Variants in PIK3AP1 observed in about 807,000 individuals in gnomAD.
PIK3AP1 encodes phosphoinositide 3-kinase adapter protein 1.
In PIK3AP1, 21 loss-of-function variants were observed where a neutral mutation model predicts 88.1. The ratio of observed to expected loss-of-function variants is 0.24; its 90% CI spans 0.17 to 0.34. The LOEUF (loss-of-function observed/expected upper bound fraction) is 0.34. Ranked by LOEUF, PIK3AP1 falls within the 10% of genes least tolerant of loss-of-function variation. PIK3AP1 has a pLI of 1.00. For missense variants in PIK3AP1, 828 were observed against 1,035.7 expected (o/e 0.80, Z 2.75); for synonymous variants, 398 against 400.0 (o/e 1.00, Z 0.06).
At chr10:96,607,836 G>T (rs12247652) in intron 14 of PIK3AP1, among the ~76,000 whole-genome samples, 3,534 of 152,180 alleles carry the variant, frequency 0.023, 136 homozygotes, top group African/African-American at 0.08. Flanking sequence ...ATGAACCACC[G>T]TCCCCCACTG....
intron 15 of PIK3AP1, among the ~76,000 whole-genome samples, chr10:96,602,903 C>CA: frequency 6.6e-6 from 1 of 152,316 alleles, no homozygotes; most frequent in South Asian, 2.1e-4. Context: ...AAGCAGAAGG[C>CA]AGAGGTGTGA....
At chr10:96,684,232 T>C (rs1052914416) in intron 2 of PIK3AP1, among the ~76,000 whole-genome samples, 6 of 152,216 alleles carry the variant, frequency 3.9e-5, no homozygotes, top group Non-Finnish European at 5.9e-5. Context: ...AGTTAGGCAA[T>C]GTGAGCAAGG....
intron 16 of PIK3AP1, among the ~76,000 whole-genome samples, chr10:96,598,596 G>A (rs1480052401): frequency 1.3e-5 from 2 of 151,236 alleles, no homozygotes; most frequent in Non-Finnish European, 3.0e-5. Flanking sequence ...TCACAGGTTC[G>A]CCATTCATTG....
intron 2 of PIK3AP1, among the ~76,000 whole-genome samples, chr10:96,696,015 G>C (rs754792648): frequency 6.6e-6 from 1 of 152,180 alleles, no homozygotes; most frequent in African/African-American, 2.4e-5. Context: ...GGAAATGGTT[G>C]ACAATCCAAA....
chr10:96,651,104 A>G, intron 6 of PIK3AP1, 144 bp downstream of exon 6: 1 of 1,077,304 alleles, frequency 9.3e-7, no homozygotes, highest in South Asian at 1.5e-5. Flanking sequence ...CCAGTCAAGA[A>G]TGAGTCCTTA....
At chr10:96,632,126 TGAGG>T (rs919438045) in intron 8 of PIK3AP1, among the ~76,000 whole-genome samples, 3 of 152,114 alleles carry the variant, frequency 2.0e-5, no homozygotes, top group Non-Finnish European at 4.4e-5. Context: ...AAGGAAAGAC[TGAGG>T]AACTGCTGCA....
intron 12 of PIK3AP1, chr10:96,618,614 A>C (rs1469018629): frequency 6.6e-6 from 1 of 152,650 alleles, no homozygotes; most frequent in East Asian, 1.9e-4. Context: ...AGAAAAAAAG[A>C]AAGAGAGCTA....
intron 12 of PIK3AP1, among the ~76,000 whole-genome samples, chr10:96,618,310 C>T (rs950645633): frequency 3.3e-5 from 5 of 152,112 alleles, no homozygotes; most frequent in Middle Eastern, 3.4e-3. Flanking sequence ...ACAACAACAA[C>T]GATAACAAAA....
intron 3 of PIK3AP1, among the ~76,000 whole-genome samples, chr10:96,654,072 T>C (rs561953853): frequency 6.6e-4 from 101 of 152,152 alleles, no homozygotes; most frequent in Middle Eastern, 3.4e-3. Flanking sequence ...ACCCGTGCAC[T>C]TTGCAGCCTG....
intron 13 of PIK3AP1, among the ~76,000 whole-genome samples, chr10:96,612,930 C>T (rs1362810351): frequency 7.9e-6 from 1 of 127,144 alleles, no homozygotes; most frequent in African/African-American, 3.2e-5. Context: ...GTACTTTATG[C>T]CACTGAATTG....
At chr10:96,667,995 G>GT (rs1843789032) in intron 2 of PIK3AP1, among the ~76,000 whole-genome samples, 1 of 152,092 alleles carries the variant, frequency 6.6e-6, no homozygotes, top group African/African-American at 2.4e-5. Flanking sequence ...AGAGATACTG[G>GT]TTTTTTCATG....
intron 2 of PIK3AP1, among the ~76,000 whole-genome samples, chr10:96,664,016 T>A (rs1475170738): frequency 6.6e-6 from 1 of 152,202 alleles, no homozygotes; most frequent in Non-Finnish European, 1.5e-5. Flanking sequence ...AACTGCACAA[T>A]CTTTCTGGAA....
chr10:96,611,844 C>A (rs1589486337), intron 13 of PIK3AP1, among the ~76,000 whole-genome samples: 2 of 151,954 alleles, frequency 1.3e-5, no homozygotes, highest in East Asian at 1.9e-4. Context: ...TCAACTAGTT[C>A]TATAAAGAAG....
chr10:96,652,219 A>G (rs993413126), intron 4 of PIK3AP1, among the ~76,000 whole-genome samples: 1 of 152,234 alleles, frequency 6.6e-6, no homozygotes, highest in Non-Finnish European at 1.5e-5. Flanking sequence ...GACCATGGAA[A>G]AATATTCACC....
intron 8 of PIK3AP1, among the ~76,000 whole-genome samples, chr10:96,635,977 G>A (rs897213437): frequency 4.0e-5 from 6 of 151,652 alleles, no homozygotes; most frequent in Middle Eastern, 3.2e-3. Flanking sequence ...GGAGGCCGAG[G>A]GGGGTGGATC....
rs1213875829 is a variant in PIK3AP1 at position 96,609,866 on chromosome 10, G to A, written c.2016C>T (p.Asp672=). 6.2e-7 allele frequency: 1 copy of A among 1,613,954 alleles called. No individual in the cohort carries two copies. Among genetic ancestry groups the A allele is most frequent in the South Asian group, 1.1e-5 (1 of 91,076 alleles). ...GCCGAATTGGGACCGTGATCTCCAA[G>A]TCTGGAATTGGAGGAAAGAGGGATA... ...REKQKSGKQT[D]LEITVPIRHS... The change falls in exon 14 of 17, where the codon GAC becomes GAT. Residue 672 remains aspartate (D), a splice_region_variant and synonymous_variant. Coordinates refer to ENST00000339364, the MANE Select transcript of PIK3AP1 (RefSeq NM_152309.3).
rs538698786 is a variant in PIK3AP1 at position 96,681,104 on chromosome 10, T to G, written c.431-24170A>C. 1.9e-4 allele frequency among the ~76,000 whole-genome samples: 29 copies of G among 152,266 alleles called. No homozygotes were observed. In the South Asian group the frequency reaches 5.8e-3, roughly 30 times the overall value. On this transcript the variant is annotated intron_variant, in intron 2 of 16. Transcript: ENST00000339364. ...CAAGATCAAGGTGTCAGCAGGGTTG[T>G]TTTTTTCTCGGGCCTCCCTGCTTGG...
At position 96,609,843 on chromosome 10, in the gene PIK3AP1, C is replaced by T. The variant is rs747623429; in HGVS notation, c.2039G>A (p.Arg680Gln). 3.1e-6 allele frequency: 5 copies of T among 1,613,846 alleles called. No homozygotes were observed. The highest frequency in any genetic ancestry group is 4.2e-6 in the Non-Finnish European group (5 of 1,179,966). Residue 680 changes from arginine to glutamine, a missense_variant, in exon 14 of 17, where the codon CGG becomes CAG. Coordinates refer to ENST00000339364, the MANE Select transcript of PIK3AP1 (RefSeq NM_152309.3). ...QTDLEITVPI[R>Q]HSQHLPAKVE... ...TTTTGCAGGCAGGTGCTGTGAGTGC[C>T]GAATTGGGACCGTGATCTCCAAGTC...
chr10:96,675,799 T>C (rs1589531418), intron 2 of PIK3AP1, among the ~76,000 whole-genome samples: 1 of 152,330 alleles, frequency 6.6e-6, no homozygotes, highest in Admixed American at 6.5e-5. Context: ...CATTTCTCTG[T>C]TAATATTAAT....
Sources: gnomAD v4.1 joint callset for allele counts (sites outside exome capture counted in the v4.1 genomes callset) on GRCh38, gnomAD v4.1.1 for gene constraint, MANE v1.5 for transcripts, NCBI Gene and HGNC (gene_info 2026-07-23, HGNC 2026-07-21) for gene names.